The following HDAC9 variants were observed in gnomAD, a reference collection of about 807,000 sequenced individuals.
HDAC9 encodes the protein MEF-2 interacting transcription repressor (MITR) protein.
A neutral mutation model predicts 139.4 loss-of-function variants in HDAC9; 41 were observed. That is an observed-to-expected ratio of 0.29 (90% confidence interval 0.23 to 0.38). The LOEUF is 0.38. Among genes scored for constraint, HDAC9 ranks in the 10% least tolerant of loss-of-function variants. The pLI is 1.00. For synonymous variants in HDAC9, 517 were observed against 476.2 expected (o/e 1.09, Z -1.12); for missense variants, 1,147 against 1,297.0 (o/e 0.88, Z 1.78).
At chr7:18,548,264 A>G (rs1815872031) in intron 2 of HDAC9, among the ~76,000 whole-genome samples, 1 of 152,296 alleles carries the variant, frequency 6.6e-6, no homozygotes, top group South Asian at 2.1e-4. Context: ...TGGTGCTCCA[A>G]AACAATTACA....
At chr7:18,178,728 T>C (rs1312488528) in intron 2 of HDAC9, among the ~76,000 whole-genome samples, 1 of 152,244 alleles carries the variant, frequency 6.6e-6, no homozygotes, top group African/African-American at 2.4e-5. Context: ...ACATTCTTTA[T>C]ACTTTTAAAA....
At chr7:18,822,178 T>C (rs928452014) in intron 17 of HDAC9, among the ~76,000 whole-genome samples, 10 of 152,176 alleles carry the variant, frequency 6.6e-5, no homozygotes, top group African/African-American at 2.2e-4. Context: ...GAGGTTGGGC[T>C]GTGGGGATAA....
intron 2 of HDAC9, among the ~76,000 whole-genome samples, chr7:18,537,280 G>C (rs926908794): frequency 1.3e-5 from 2 of 152,130 alleles, no homozygotes; most frequent in African/African-American, 4.8e-5. Flanking sequence ...ATCTGTTATC[G>C]TTGTTGTTTC....
chr7:18,481,196 A>T (rs1389552110), intron 1 of HDAC9, among the ~76,000 whole-genome samples: 1 of 152,190 alleles, frequency 6.6e-6, no homozygotes, highest in African/African-American at 2.4e-5. Context: ...AATAATAATA[A>T]TATTATATGA....
At chr7:18,617,130 T>A (rs1250684272) in intron 6 of HDAC9, among the ~76,000 whole-genome samples, 2 of 152,250 alleles carry the variant, frequency 1.3e-5, no homozygotes, top group African/African-American at 4.8e-5. Flanking sequence ...GCCTACTGTT[T>A]TAGTTCATTC....
chr7:18,226,199 C>T (rs928084169), intron 2 of HDAC9, among the ~76,000 whole-genome samples: 1 of 152,162 alleles, frequency 6.6e-6, no homozygotes, highest in Non-Finnish European at 1.5e-5. Flanking sequence ...AAAATACCAC[C>T]TTTAGACTGC....
intron 1 of HDAC9, among the ~76,000 whole-genome samples, chr7:18,366,683 T>C (rs1784205806): frequency 6.6e-6 from 1 of 152,130 alleles, no homozygotes; most frequent in Non-Finnish European, 1.5e-5. Flanking sequence ...TTGGCAGTGC[T>C]GTTAGGTCTT....
chr7:18,816,698 G>A (rs1040006366), intron 17 of HDAC9, among the ~76,000 whole-genome samples: 1 of 152,024 alleles, frequency 6.6e-6, no homozygotes, highest in Admixed American at 6.5e-5. Flanking sequence ...GTGAGAGCAG[G>A]GGAAGGCAGT....
At chr7:18,995,794 A>T (rs2129354575) in intron 25 of HDAC9, among the ~76,000 whole-genome samples, 1 of 152,336 alleles carries the variant, frequency 6.6e-6, no homozygotes, top group South Asian at 2.1e-4. Flanking sequence ...AAATATTCTG[A>T]CATGTTTTAA....
chr7:18,458,981 T>TTTGTGGCACATGTGCCAC lies in HDAC9; in HGVS notation c.-41-37281_-41-37280insTTGTGGCACATGTGCCAC, dbSNP rs1793599053. ...GAGTGGGTGACTTCCTTTTCCAGGCTATTGGTCAAAGCTGCGGTCAGCAAC... is the reference window on the plus strand; with the variant it reads ...GAGTGGGTGACTTCCTTTTCCAGGCTTTGTGGCACATGTGCCACATTGGTCAAAGCTGCGGTCAGCAAC... On this transcript the variant is annotated intron_variant, in intron 1 of 3. Coordinates refer to the HDAC9 transcript ENST00000413509. The TTTGTGGCACATGTGCCAC allele has an allele frequency of 3.7e-6, 4 of 1,075,270 alleles. No homozygotes were observed. The Admixed American group carries it at 8.0e-5, about 22-fold the overall frequency. 66.6% of individuals were successfully genotyped at this position (1,075,270 alleles called of 1,614,324 possible). A position where few individuals can be genotyped will look rare whatever the true frequency, so the allele number is the denominator to read the frequency against.
intron 13 of HDAC9, among the ~76,000 whole-genome samples, chr7:18,733,013 A>ATG (rs1786459944): frequency 1.4e-5 from 2 of 142,464 alleles, no homozygotes; most frequent in Non-Finnish European, 3.1e-5. Context: ...ACACATGTGT[A>ATG]TGTGTGTATA....
Position 18,337,352 on chromosome 7 carries a change from T to C in HDAC9, c.-42+46837T>C, listed in dbSNP as rs150231906. Among the ~76,000 whole-genome samples, 3 of 151,840 alleles carry C rather than the reference T, an allele frequency of 2.0e-5. No homozygotes were observed. The East Asian group carries it at 5.8e-4, about 30-fold the overall frequency. On this transcript the variant is annotated intron_variant, in intron 1 of 3. Coordinates refer to the HDAC9 transcript ENST00000413509. ...TTGAGTTAGCCTCTGTTCAATAATT[T>C]GAGTAAGATGATTATTTTTCTAGCT...
At chr7:18,271,635 A>C (rs796916387) in intron 2 of HDAC9, among the ~76,000 whole-genome samples, 12 of 152,214 alleles carry the variant, frequency 7.9e-5, no homozygotes, top group African/African-American at 2.9e-4. Flanking sequence ...CCGAATTCCT[A>C]CATTTTTATT....
chr7:18,805,435 G>A (rs976438416), intron 17 of HDAC9, among the ~76,000 whole-genome samples: 2 of 152,194 alleles, frequency 1.3e-5, no homozygotes, highest in South Asian at 4.1e-4. Flanking sequence ...CTGGCTGAAC[G>A]TGCCCATGTG....
At chr7:18,410,778 G>A (rs1199395899) in intron 1 of HDAC9, among the ~76,000 whole-genome samples, 3 of 152,076 alleles carry the variant, frequency 2.0e-5, no homozygotes, top group African/African-American at 4.8e-5. Context: ...TGGGAATAGA[G>A]ACTTTTATAA....
At chr7:18,795,257 TAAAAAAAAA>T (rs5882676) in intron 17 of HDAC9, among the ~76,000 whole-genome samples, 3 of 65,496 alleles carry the variant, frequency 4.6e-5, no homozygotes, top group African/African-American at 6.9e-5. Context: ...AAGAAAACAG[TAAAAAAAAA>T]AAAAAAAAAA....
chr7:18,699,380 G>A (rs900141092), intron 12 of HDAC9, among the ~76,000 whole-genome samples: 1 of 151,912 alleles, frequency 6.6e-6, no homozygotes, highest in African/African-American at 2.4e-5. Context: ...GTGTGTGCGT[G>A]TACGTGTGTT....
chr7:18,746,784 A>G (rs1022336054), intron 13 of HDAC9, among the ~76,000 whole-genome samples: 1 of 152,210 alleles, frequency 6.6e-6, no homozygotes, highest in Non-Finnish European at 1.5e-5. Flanking sequence ...TAAAAACACG[A>G]CTATCATCTG....
At chr7:18,709,520 A>AT (rs1408435316) in intron 12 of HDAC9, among the ~76,000 whole-genome samples, 1 of 152,168 alleles carries the variant, frequency 6.6e-6, no homozygotes, top group Admixed American at 6.5e-5. Context: ...TTTAACAAGT[A>AT]TTTTTTTAAG....
Sources: allele counts gnomAD v4.1 joint callset (sites outside exome capture counted in the v4.1 genomes callset), GRCh38; gene constraint gnomAD v4.1.1; transcripts MANE v1.5; gene names NCBI Gene and HGNC (gene_info 2026-07-23, HGNC 2026-07-21).